Variants in SYNE1 observed in about 807,000 individuals in gnomAD.
SYNE1 encodes the protein nesprin-1.
Under a neutral mutation model 1,111.0 loss-of-function variants are expected in SYNE1, and 616 were observed. The observed-to-expected ratio is 0.55, with a 90% CI of 0.52 to 0.59. SYNE1 has a LOEUF of 0.59. Among genes scored for constraint, SYNE1 ranks in the 20% least tolerant of loss-of-function variants. The probability of loss-of-function intolerance (pLI) is 0.00; values close to 1 mark genes in which losing one functional copy is unlikely to be tolerated. For missense variants in SYNE1, 10,006 were observed against 10,417.0 expected (o/e 0.96, Z 1.72); for synonymous variants, 3,855 against 3,825.8 (o/e 1.01, Z -0.28).
chr6:152,568,849 C>T (rs2099429635), intron 3 of SYNE1, among the ~76,000 whole-genome samples: 1 of 152,128 alleles, frequency 6.6e-6, no homozygotes, highest in Non-Finnish European at 1.5e-5. Context: ...ACCAGCAATT[C>T]ACAAAATGGT....
intron 131 of SYNE1, among the ~76,000 whole-genome samples, chr6:152,157,797 C>T (rs2061668511): frequency 6.7e-6 from 1 of 149,678 alleles, no homozygotes; most frequent in Admixed American, 6.7e-5. Context: ...CTCACTCTGT[C>T]GCCCAGGCTG....
chr6:152,280,009 G>A (rs971986322), intron 97 of SYNE1, among the ~76,000 whole-genome samples: 2 of 152,158 alleles, frequency 1.3e-5, no homozygotes, highest in East Asian at 1.9e-4. Flanking sequence ...AATCTATTCC[G>A]AATCATGTAA....
At chr6:152,391,147 A>G (rs1029506443) in intron 52 of SYNE1, 130 bp downstream of exon 52, 30 of 1,385,614 alleles carry the variant, frequency 2.2e-5, no homozygotes, top group African/African-American at 2.9e-5. Flanking sequence ...TTTTTGCCCA[A>G]TTTCTCCATT....
intron 131 of SYNE1, among the ~76,000 whole-genome samples, chr6:152,160,317 C>G (rs780494659): frequency 4.6e-5 from 7 of 152,178 alleles, no homozygotes; most frequent in Non-Finnish European, 7.3e-5. Context: ...TCTTATTGAA[C>G]TAATAAAACT....
At position 152,376,254 on chromosome 6, in the gene SYNE1, C is replaced by T. The variant is rs576380167; in HGVS notation, c.9324+127G>A. 301 of 937,478 alleles carry T rather than the reference C, an allele frequency of 3.2e-4. 2 individuals carry two copies. The African/African-American group carries it at 4.6e-3, about 14-fold the overall frequency. 58.1% of individuals were successfully genotyped at this position (937,478 alleles called of 1,614,324 possible). ...GGCCTGCTGCTCACCTCCTGCTGTG[C>T]GGCCTGGTTCCTAACAGGCCAGGGA... On this transcript the variant is annotated intron_variant, in intron 58 of 145. Coordinates refer to ENST00000367255, the MANE Select transcript of SYNE1 (RefSeq NM_182961.4).
At chr6:152,236,366 A>G in intron 109 of SYNE1, 63 bp from the exon 110 acceptor site, 1 of 1,191,474 alleles carries the variant, frequency 8.4e-7, no homozygotes, top group Middle Eastern at 2.5e-4. Flanking sequence ...TAAGAATTAT[A>G]ATTTCTCTGG....
At chr6:152,527,123 T>C (rs1454815496) in intron 4 of SYNE1, among the ~76,000 whole-genome samples, 2 of 152,198 alleles carry the variant, frequency 1.3e-5, no homozygotes. Flanking sequence ...GTTAAAGGCC[T>C]AATGCTCAAT....
chr6:152,430,568 C>G lies in SYNE1; in HGVS notation c.4603G>C (p.Glu1535Gln), dbSNP rs1209224800. Reference sequence around the variant, plus strand: ...AGACACTGTGCATGCTCTCGAAGCTCTTCCCCGTATCTTCTTATTTGTGTC... The same window carrying G: ...AGACACTGTGCATGCTCTCGAAGCTGTTCCCCGTATCTTCTTATTTGTGTC... ...KLTQIRRYGEELREHAQCLEG... is the reference protein window; with the variant it reads ...KLTQIRRYGEQLREHAQCLEG... The change falls in exon 35 of 146, where the codon GAG (glutamate) becomes CAG (glutamine). Residue 1535 changes from glutamate to glutamine, a missense_variant. By Grantham distance (29) the Glu-to-Gln change is conservative (BLOSUM62 2). Coordinates refer to ENST00000367255, the MANE Select transcript of SYNE1 (RefSeq NM_182961.4). 30 of 1,614,018 alleles carry G rather than the reference C, an allele frequency of 1.9e-5. No individual in the cohort carries two copies. Among genetic ancestry groups the G allele is most frequent in the Non-Finnish European group, 2.4e-5 (28 of 1,180,008 alleles).
chr6:152,619,436 G>A (rs892069756), intron 3 of SYNE1, among the ~76,000 whole-genome samples: 2 of 151,796 alleles, frequency 1.3e-5, no homozygotes, highest in Non-Finnish European at 2.9e-5. Flanking sequence ...TTCCATCCAG[G>A]TTTTCATGGA....
At chr6:152,355,041 C>T in intron 66 of SYNE1, 65 bp from the exon 67 acceptor site, 1 of 1,581,394 alleles carries the variant, frequency 6.3e-7, no homozygotes, top group Non-Finnish European at 8.6e-7. Flanking sequence ...GTTAGCATGT[C>T]TTGCCCAAGC....
intron 41 of SYNE1, 52 bp from the exon 42 acceptor site, chr6:152,413,583 A>G (rs770396785): frequency 9.5e-6 from 15 of 1,582,058 alleles, no homozygotes; most frequent in Non-Finnish European, 1.3e-5. Flanking sequence ...TAGTAAATGA[A>G]TATTTCTTCT....
intron 24 of SYNE1, 125 bp downstream of exon 24, chr6:152,455,301 C>G: frequency 9.6e-7 from 1 of 1,042,128 alleles, no homozygotes; most frequent in Non-Finnish European, 1.4e-6. Context: ...CCTAAAAAGT[C>G]TCTGCTTCCC....
rs747730909 is a variant in SYNE1, at chr6:152,354,621, T to C, written c.10926+38A>G. On this transcript the variant is annotated intron_variant, in intron 67 of 145. Transcript: ENST00000367255. ...TGAAACAAACTATGCAAGGTAACTG[T>C]AGCTTTGACAAAGATCAGGAATCTA... is the stretch of plus-strand genomic sequence containing the variant. 3.7e-6 allele frequency: 6 copies of C among 1,610,112 alleles called. No homozygotes were observed. In the Admixed American group the frequency reaches 5.0e-5, roughly 13 times the overall value.
intron 3 of SYNE1, among the ~76,000 whole-genome samples, chr6:152,578,793 TTATC>T (rs1244615479): frequency 6.6e-6 from 1 of 152,202 alleles, no homozygotes; most frequent in Admixed American, 6.5e-5. Context: ...TTTTATGAAT[TTATC>T]TAATAACATT....
intron 115 of SYNE1, among the ~76,000 whole-genome samples, chr6:152,228,523 GA>G (rs979997575): frequency 2.6e-5 from 4 of 151,410 alleles, no homozygotes; most frequent in African/African-American, 7.3e-5. Context: ...TTAAAGAGAA[GA>G]AAAAAATACT....
At chr6:152,463,572 G>A (rs1054909010) in intron 18 of SYNE1, 55 bp from the exon 19 acceptor site, 27 of 1,428,094 alleles carry the variant, frequency 1.9e-5, no homozygotes, top group African/African-American at 1.8e-4. Context: ...ATCAGTGACT[G>A]ATATGAAAGT....
At chr6:152,309,045 G>A (rs7742927) in intron 90 of SYNE1, among the ~76,000 whole-genome samples, 32,003 of 152,074 alleles carry the variant, frequency 0.21, 3,706 homozygotes, top group African/African-American at 0.25. Flanking sequence ...TGGGCTGGGC[G>A]CAGTGGCTCA....
At chr6:152,603,142 C>T (rs2099600218) in intron 3 of SYNE1, among the ~76,000 whole-genome samples, 1 of 152,044 alleles carries the variant, frequency 6.6e-6, no homozygotes, top group Admixed American at 6.6e-5. Flanking sequence ...TCTTGGGGCC[C>T]ATTTCTTTGA....
At chr6:152,420,032 T>C (rs2098230073) in intron 39 of SYNE1, among the ~76,000 whole-genome samples, 1 of 152,228 alleles carries the variant, frequency 6.6e-6, no homozygotes, top group African/African-American at 2.4e-5. Context: ...ATGAAATTCC[T>C]GTAATTCTGA....
Sources: allele counts gnomAD v4.1 joint callset (sites outside exome capture counted in the v4.1 genomes callset), GRCh38; gene constraint gnomAD v4.1.1; transcripts MANE v1.5; gene names NCBI Gene and HGNC (gene_info 2026-07-23, HGNC 2026-07-21).